Variants in MS4A4E observed in about 807,000 individuals in gnomAD.
MS4A4E encodes membrane spanning 4-domains A4E.
A neutral mutation model predicts 13.3 loss-of-function variants in MS4A4E; 23 were observed. The ratio of observed to expected loss-of-function variants is 1.73; its 90% CI spans 1.25 to 2.45. The LOEUF (loss-of-function observed/expected upper bound fraction) is 2.45. MS4A4E is among the 30% of genes most tolerant of loss of function. MS4A4E has a pLI of 0.00. For synonymous variants in MS4A4E, 36 were observed against 45.6 expected, an observed-to-expected ratio of 0.79 and a Z score of 0.85; for missense variants, 144 against 131.2, an observed-to-expected ratio of 1.10 and a Z score of -0.48.
At chr11:60,211,176 A>T (rs1331142452) in intron 5 of MS4A4E, among the ~76,000 whole-genome samples, 9 of 152,218 alleles carry the variant, frequency 5.9e-5, no homozygotes, top group Admixed American at 5.9e-4. Context: ...AGCAAATAAG[A>T]GGGAAATTAG....
chr11:60,222,317 C>A (rs2084279633), intron 3 of MS4A4E, among the ~76,000 whole-genome samples: 1 of 152,194 alleles, frequency 6.6e-6, no homozygotes, highest in African/African-American at 2.4e-5. Context: ...TGCCTCTGAC[C>A]AAGGCACTCA....
chr11:60,237,741 T>A (rs972258796), intron 1 of MS4A4E, among the ~76,000 whole-genome samples: 10 of 152,212 alleles, frequency 6.6e-5, no homozygotes, highest in Admixed American at 2.0e-4. Context: ...GTTGGCCGCA[T>A]GTACATCTTA....
At chr11:60,203,471 A>G (rs150313905) in intron 8 of MS4A4E, among the ~76,000 whole-genome samples, 59 of 152,334 alleles carry the variant, frequency 3.9e-4, no homozygotes, top group African/African-American at 1.3e-3. Context: ...TATCTTGGCC[A>G]GGTGCAGTGG....
intron 1 of MS4A4E, among the ~76,000 whole-genome samples, chr11:60,241,529 T>C (rs1281649184): frequency 6.6e-6 from 1 of 152,202 alleles, no homozygotes; most frequent in African/African-American, 2.4e-5. Context: ...TGATTTTCCA[T>C]AATTCTTTGG....
intron 3 of MS4A4E, among the ~76,000 whole-genome samples, chr11:60,221,330 C>T (rs1309560706): frequency 6.6e-6 from 1 of 152,154 alleles, no homozygotes; most frequent in Non-Finnish European, 1.5e-5. Flanking sequence ...TTGAGCAACT[C>T]CTGAGGGCAC....
chr11:60,222,029 G>A (rs2084276124), intron 3 of MS4A4E, among the ~76,000 whole-genome samples: 1 of 152,170 alleles, frequency 6.6e-6, no homozygotes, highest in Non-Finnish European at 1.5e-5. Flanking sequence ...CACTGACCTG[G>A]CTATGGCCAC....
chr11:60,200,791 C>T lies in MS4A4E; in HGVS notation c.*752G>A, dbSNP rs2134903354. On this transcript the variant is annotated 3_prime_UTR_variant, in exon 9 of 9. Transcript: ENST00000651255. ...CGCCATTGTCCTCATGGCCCGTTCT[C>T]AATGAGCTATTGGGTACACTTCCCA... 6.6e-6 allele frequency among the ~76,000 whole-genome samples: 1 copy of T among 152,382 alleles called. No individual in the cohort carries two copies. Among genetic ancestry groups the T allele is most frequent in the Non-Finnish European group, 1.5e-5 (1 of 68,036 alleles).
intron 3 of MS4A4E, among the ~76,000 whole-genome samples, chr11:60,224,035 C>G (rs1420817774): frequency 2.6e-5 from 4 of 152,130 alleles, no homozygotes; most frequent in Non-Finnish European, 5.9e-5. Flanking sequence ...TCTAAACTGT[C>G]TCATTCTCAG....
At chr11:60,208,523 A>T (rs1360531478) in intron 6 of MS4A4E, 70 bp downstream of exon 6, 1 of 558,176 alleles carries the variant, frequency 1.8e-6, no homozygotes, top group East Asian at 3.0e-5. Context: ...TAAGACTATA[A>T]GTTTGTTTAA....
chr11:60,240,459 C>T (rs1038636694), intron 1 of MS4A4E, among the ~76,000 whole-genome samples: 1 of 152,108 alleles, frequency 6.6e-6, no homozygotes, highest in African/African-American at 2.4e-5. Context: ...GACTTTGTAG[C>T]CAAATGATCA....
intron 3 of MS4A4E, among the ~76,000 whole-genome samples, chr11:60,222,720 C>A (rs140661616): frequency 1.3e-4 from 20 of 152,040 alleles, no homozygotes; most frequent in Non-Finnish European, 2.1e-4. Context: ...ACGTTGCCAC[C>A]GGGAGACAAC....
chr11:60,200,831 C>T lies in MS4A4E; in HGVS notation c.*712G>A, dbSNP rs1050519832. ...TACACTTCCCAGATGGGGTGGTGGC[C>T]GGGCAGAGGGGCTCCTCACTTCCCA... On this transcript the variant is annotated 3_prime_UTR_variant, in exon 9 of 9. Transcript: ENST00000651255. Among the ~76,000 whole-genome samples, 6 of 150,816 alleles carry T rather than the reference C, an allele frequency of 4.0e-5. No individual in the cohort carries two copies. In the East Asian group the frequency reaches 9.6e-4, roughly 24 times the overall value.
At position 60,223,389 on chromosome 11, in the gene MS4A4E, G is replaced by C. The variant is rs188731485; in HGVS notation, c.178+5205C>G. ...TGCATTTTGGGTTGTACAAAAAATA[G>C]CTGCATTATGTTAGGCATAATTTTG... On this transcript the variant is annotated intron_variant, in intron 3 of 8. Coordinates refer to ENST00000651255, the MANE Select transcript of MS4A4E (RefSeq NM_001393391.1). Among the ~76,000 whole-genome samples, 786 of 152,218 alleles carry C rather than the reference G, an allele frequency of 5.2e-3. 3 individuals are homozygous for C. Among genetic ancestry groups the C allele is most frequent in the Non-Finnish European group, 7.7e-3 (526 of 68,018 alleles).
intron 8 of MS4A4E, among the ~76,000 whole-genome samples, 56 bp downstream of exon 8, chr11:60,204,834 T>C (rs1350930750): frequency 6.6e-6 from 1 of 152,232 alleles, no homozygotes; most frequent in East Asian, 1.9e-4. Context: ...TTCTATATAC[T>C]ACATAATAGT....
rs549594088 is a variant in MS4A4E at position 60,223,261 on chromosome 11, TTTTC to T, written c.178+5329_178+5332del. 3.8e-3 allele frequency among the ~76,000 whole-genome samples: 580 copies of T among 152,328 alleles called. 3 individuals carry two copies. Among genetic ancestry groups the T allele is most frequent in the African/African-American group, 0.013 (525 of 41,568 alleles). On this transcript the variant is annotated intron_variant, in intron 3 of 8. Coordinates refer to ENST00000651255, the MANE Select transcript of MS4A4E (RefSeq NM_001393391.1). ...GTAGTAAGAAAATATCTTCATTTTA[TTTTC>T]TTTCTTTTTTCTTTACCATGTGACA...
intron 8 of MS4A4E, among the ~76,000 whole-genome samples, chr11:60,202,311 C>T (rs968646995): frequency 1.3e-5 from 2 of 152,166 alleles, no homozygotes; most frequent in African/African-American, 2.4e-5. Context: ...CCACAACAAA[C>T]CTATCCTTTG....
chr11:60,238,718 T>G (rs2084513659), intron 1 of MS4A4E, among the ~76,000 whole-genome samples: 1 of 152,212 alleles, frequency 6.6e-6, no homozygotes, highest in Non-Finnish European at 1.5e-5. Context: ...AGTTTGTTCT[T>G]CTTTTTCCAG....
At chr11:60,230,201 A>G (rs2084391358) in intron 1 of MS4A4E, 130 bp from the exon 2 acceptor site, 5 of 1,023,426 alleles carry the variant, frequency 4.9e-6, no homozygotes, top group Non-Finnish European at 6.7e-6. Context: ...AACAGTTGTT[A>G]GAGCTAGGGA....
intron 3 of MS4A4E, among the ~76,000 whole-genome samples, chr11:60,217,086 CAA>C (rs1264376785): frequency 6.6e-6 from 1 of 152,002 alleles, no homozygotes; most frequent in Admixed American, 6.6e-5. Context: ...GTTCACTGGA[CAA>C]AGTGATGAAA....
Sources: gnomAD v4.1 joint callset for allele counts (sites outside exome capture counted in the v4.1 genomes callset) on GRCh38, gnomAD v4.1.1 for gene constraint, MANE v1.5 for transcripts, NCBI Gene and HGNC (gene_info 2026-07-23, HGNC 2026-07-21) for gene names.